The following OPA1 variants were observed in gnomAD, a reference collection of about 807,000 sequenced individuals.
The protein encoded by OPA1 is dynamin-like GTPase OPA1, mitochondrial.
OPA1 carries 59 observed loss-of-function variants against 152.9 expected under a neutral mutation model. The ratio of observed to expected loss-of-function variants is 0.39; its 90% CI spans 0.31 to 0.48. The LOEUF (loss-of-function observed/expected upper bound fraction) is 0.48, where lower values mean the gene tolerates loss of function less well. Among genes scored for constraint, OPA1 ranks in the 20% least tolerant of loss-of-function variants. The pLI is 0.96. For missense variants in OPA1, 1,008 were observed against 1,216.8 expected, an observed-to-expected ratio of 0.83 and a Z score of 2.55; for synonymous variants, 400 against 389.9, an observed-to-expected ratio of 1.03 and a Z score of -0.31.
chr3:193,612,750 G>A (rs979099588), intron 1 of OPA1, among the ~76,000 whole-genome samples: 2 of 152,194 alleles, frequency 1.3e-5, no homozygotes, highest in African/African-American at 4.8e-5. Context: ...TCCTTGGATT[G>A]AGATGATCCC....
At chr3:193,692,558 C>A (rs1454169618) in intron 30 of OPA1, among the ~76,000 whole-genome samples, 1 of 152,058 alleles carries the variant, frequency 6.6e-6, no homozygotes, top group Non-Finnish European at 1.5e-5. Context: ...TGTTCTTAAT[C>A]CTTATCTCTT....
At chr3:193,626,307 T>G (rs922280062) in intron 7 of OPA1, 105 bp downstream of exon 7, 6 of 804,272 alleles carry the variant, frequency 7.5e-6, no homozygotes, top group Non-Finnish European at 1.3e-5. Flanking sequence ...TACAAGAAAT[T>G]AATTTGACAA....
intron 28 of OPA1, among the ~76,000 whole-genome samples, 165 bp downstream of exon 28, chr3:193,666,554 G>A (rs957145131): frequency 3.9e-5 from 6 of 152,188 alleles, no homozygotes; most frequent in Admixed American, 1.3e-4. Flanking sequence ...TTGAGAGGCC[G>A]AGGCAGGAAA....
chr3:193,662,415 A>G (rs1276480133), intron 25 of OPA1, among the ~76,000 whole-genome samples: 1 of 152,204 alleles, frequency 6.6e-6, no homozygotes, highest in Non-Finnish European at 1.5e-5. Context: ...TATAGTTCTT[A>G]GATATGAAGC....
At chr3:193,594,014 G>T (rs1725101115) in intron 1 of OPA1, among the ~76,000 whole-genome samples, 2 of 152,032 alleles carry the variant, frequency 1.3e-5, no homozygotes, top group South Asian at 4.2e-4. Flanking sequence ...CTGTGTTTCG[G>T]GAGGGAGACT....
Position 193,666,567 on chromosome 3 carries a change from C to T in OPA1, c.2872+178C>T, listed in dbSNP as rs11928971. 0.06 allele frequency among the ~76,000 whole-genome samples: 9,145 copies of T among 152,154 alleles called. 480 individuals carry two copies. Among genetic ancestry groups the T allele is most frequent in the African/African-American group, 0.14 (5,814 of 41,484 alleles). ...TGTTGAGAGGCCGAGGCAGGAAAAC[C>T]GCTTGAGGCCTGTAGTTTGAGACCA... On this transcript the variant is annotated intron_variant, in intron 28 of 30. Coordinates refer to ENST00000361510, the MANE Select transcript of OPA1 (RefSeq NM_130837.3).
At chr3:193,638,180 T>A (rs1186215133) in intron 11 of OPA1, 115 bp downstream of exon 11, 1 of 787,430 alleles carries the variant, frequency 1.3e-6, no homozygotes, top group East Asian at 2.7e-5. Flanking sequence ...ATACATAGTG[T>A]TTGGAATGAT....
intron 13 of OPA1, 125 bp from the exon 14 acceptor site, chr3:193,643,248 T>A: frequency 1.1e-6 from 1 of 877,850 alleles, no homozygotes; most frequent in Non-Finnish European, 1.9e-6. Flanking sequence ...AAGAATACCA[T>A]TTTTGTGAGC....
At chr3:193,653,009 C>T (rs1025208340) in intron 21 of OPA1, among the ~76,000 whole-genome samples, 1 of 152,106 alleles carries the variant, frequency 6.6e-6, no homozygotes, top group African/African-American at 2.4e-5. Flanking sequence ...GAGAAAAAAG[C>T]CCTGGAGGTC....
At chr3:193,643,833 A>G in intron 15 of OPA1, 142 bp from the exon 16 acceptor site, 2 of 1,003,242 alleles carry the variant, frequency 2.0e-6, no homozygotes, top group East Asian at 5.2e-5. Context: ...TTTATCGGCT[A>G]GGATTTCTTT....
intron 25 of OPA1, among the ~76,000 whole-genome samples, chr3:193,662,488 C>T (rs534443977): frequency 6.6e-6 from 1 of 152,116 alleles, no homozygotes; most frequent in Non-Finnish European, 1.5e-5. Context: ...AAATTATACC[C>T]TACGGTCAAG....
chr3:193,662,063 AATTT>A (rs779798042), intron 25 of OPA1, among the ~76,000 whole-genome samples: 2 of 152,220 alleles, frequency 1.3e-5, no homozygotes, highest in Non-Finnish European at 1.5e-5. Flanking sequence ...CTATTCTAGT[AATTT>A]ATTTAGGGTA....
chr3:193,629,706 T>A (rs1731766388), intron 7 of OPA1, among the ~76,000 whole-genome samples: 1 of 152,104 alleles, frequency 6.6e-6, no homozygotes, highest in Non-Finnish European at 1.5e-5. Context: ...TCTACTAACC[T>A]TATATCATTT....
intron 29 of OPA1, among the ~76,000 whole-genome samples, chr3:193,673,273 G>A (rs1357483193): frequency 2.0e-5 from 3 of 152,174 alleles, no homozygotes; most frequent in Non-Finnish European, 1.5e-5. Flanking sequence ...GTCCTTCACA[G>A]GGTTGATCGG....
chr3:193,607,674 A>T lies in OPA1; in HGVS notation c.33-7049A>T, dbSNP rs1242777208. 2.6e-5 allele frequency among the ~76,000 whole-genome samples: 4 copies of T among 151,936 alleles called. No individual in the cohort carries two copies. The East Asian group carries it at 7.7e-4, about 29-fold the overall frequency. ...GCTGTTTTGGTGACTGTAGCCTTGT[A>T]TAGTTTGAAGTCAGGTAGCGTGATG... On this transcript the variant is annotated intron_variant, in intron 1 of 30. Coordinates refer to ENST00000361510, the MANE Select transcript of OPA1 (RefSeq NM_130837.3).
intron 7 of OPA1, among the ~76,000 whole-genome samples, chr3:193,628,353 A>G (rs1448196331): frequency 6.6e-6 from 1 of 152,092 alleles, no homozygotes. Flanking sequence ...CTTCCTATGG[A>G]TATGTTCACA....
intron 29 of OPA1, among the ~76,000 whole-genome samples, chr3:193,691,092 G>A (rs577750102): frequency 3.9e-5 from 6 of 152,166 alleles, no homozygotes; most frequent in African/African-American, 9.6e-5. Context: ...GTGGTGGCAC[G>A]TGCCTGTGGT....
chr3:193,602,494 T>C (rs1313424283), intron 1 of OPA1, among the ~76,000 whole-genome samples: 1 of 152,214 alleles, frequency 6.6e-6, no homozygotes, highest in Non-Finnish European at 1.5e-5. Flanking sequence ...TTTAGTCATA[T>C]CAGAGTTTAA....
chr3:193,611,332 C>T (rs1411243654), intron 1 of OPA1, among the ~76,000 whole-genome samples: 2 of 152,100 alleles, frequency 1.3e-5, no homozygotes, highest in East Asian at 1.9e-4. Context: ...GGCACGATGG[C>T]TCACGCCTGT....
Sources: gnomAD v4.1 joint callset for allele counts (sites outside exome capture counted in the v4.1 genomes callset) on GRCh38, gnomAD v4.1.1 for gene constraint, MANE v1.5 for transcripts, NCBI Gene and HGNC (gene_info 2026-07-23, HGNC 2026-07-21) for gene names.